The following PTPRD variants were observed in gnomAD, a reference collection of about 807,000 sequenced individuals.
The protein encoded by PTPRD is protein tyrosine phosphatase receptor type D, also known as receptor-type tyrosine-protein phosphatase delta.
Under a neutral mutation model 214.5 loss-of-function variants are expected in PTPRD, and 34 were observed. The observed-to-expected ratio is 0.16, with a 90% CI of 0.12 to 0.21. The LOEUF (loss-of-function observed/expected upper bound fraction) is 0.21, where lower values mean the gene tolerates loss of function less well. Among genes scored for constraint, PTPRD ranks in the 10% least tolerant of loss-of-function variants. The pLI, the probability that PTPRD is intolerant of heterozygous loss-of-function variation, is 1.00. For synonymous variants in PTPRD, 1,128 were observed against 845.7 expected (o/e 1.33, Z -5.79); for missense variants, 2,545 against 2,398.7 (o/e 1.06, Z -1.27).
At chr9:10,162,173 T>A (rs1220675957) in intron 3 of PTPRD, among the ~76,000 whole-genome samples, 1 of 151,532 alleles carries the variant, frequency 6.6e-6, no homozygotes, top group African/African-American at 2.4e-5. Flanking sequence ...TACCTTAGGA[T>A]CCAGCAATTC....
chr9:8,653,383 G>A (rs1307822181), intron 12 of PTPRD, among the ~76,000 whole-genome samples: 1 of 152,058 alleles, frequency 6.6e-6, no homozygotes, highest in Admixed American at 6.6e-5. Context: ...TACATACAAA[G>A]CATTCGGTAA....
At chr9:9,416,774 A>G (rs1388337759) in intron 8 of PTPRD, among the ~76,000 whole-genome samples, 1 of 152,292 alleles carries the variant, frequency 6.6e-6, no homozygotes, top group Non-Finnish European at 1.5e-5. Context: ...ACTTGGCCCG[A>G]TGACTTTTTC....
At chr9:9,715,069 G>A (rs149698979) in intron 7 of PTPRD, among the ~76,000 whole-genome samples, 1 of 152,130 alleles carries the variant, frequency 6.6e-6, no homozygotes, top group Admixed American at 6.6e-5. Flanking sequence ...GAAGAAATTA[G>A]AAGACCTGGG....
At chr9:9,931,218 A>G (rs2086379331) in intron 5 of PTPRD, among the ~76,000 whole-genome samples, 1 of 152,174 alleles carries the variant, frequency 6.6e-6, no homozygotes, top group Admixed American at 6.6e-5. Context: ...ATTACTGGGG[A>G]GGAGCCAAGA....
chr9:9,962,456 C>G (rs995218708), intron 4 of PTPRD, among the ~76,000 whole-genome samples: 18 of 151,892 alleles, frequency 1.2e-4, no homozygotes, highest in Admixed American at 7.2e-4. Flanking sequence ...CATATTGAAC[C>G]TTATATAAAT....
intron 4 of PTPRD, among the ~76,000 whole-genome samples, chr9:10,033,202 G>A (rs947693756): frequency 9.9e-5 from 15 of 151,674 alleles, no homozygotes; most frequent in African/African-American, 2.4e-4. Context: ...ATGGGGAGGC[G>A]TGTTGCTGAG....
intron 6 of PTPRD, among the ~76,000 whole-genome samples, chr9:9,757,256 G>A (rs1056820972): frequency 1.2e-4 from 18 of 151,870 alleles, no homozygotes; most frequent in Admixed American, 2.0e-4. Context: ...TTTACTCTTC[G>A]GTTAAGTTTC....
chr9:8,982,982 A>C (rs185616512), intron 11 of PTPRD, among the ~76,000 whole-genome samples: 147 of 152,046 alleles, frequency 9.7e-4, no homozygotes, highest in Non-Finnish European at 2.0e-3. Context: ...GTGGATCATC[A>C]ATTAACCTCA....
chr9:8,917,824 T>C (rs2098797475), intron 11 of PTPRD, among the ~76,000 whole-genome samples: 1 of 152,208 alleles, frequency 6.6e-6, no homozygotes, highest in Non-Finnish European at 1.5e-5. Flanking sequence ...TCAAGGTTTA[T>C]TGCTAGAGAC....
intron 14 of PTPRD, among the ~76,000 whole-genome samples, chr9:8,560,689 C>T (rs2085875815): frequency 6.6e-6 from 1 of 152,064 alleles, no homozygotes; most frequent in South Asian, 2.1e-4. Flanking sequence ...ACAAACAGGA[C>T]CCTTTAAAGA....
At chr9:8,929,767 G>GTGTGTATATATATGTGTATATATA (rs2098933812) in intron 11 of PTPRD, among the ~76,000 whole-genome samples, 2 of 99,538 alleles carry the variant, frequency 2.0e-5, no homozygotes, top group African/African-American at 7.8e-5. Flanking sequence ...GTATATATAT[G>GTGTGTATATATATGTGTATATATA]TGTATATATA....
intron 2 of PTPRD, among the ~76,000 whole-genome samples, chr9:10,589,962 T>C (rs977886753): frequency 9.9e-5 from 15 of 152,060 alleles, no homozygotes; most frequent in African/African-American, 3.6e-4. Flanking sequence ...ACTCCATTTG[T>C]AGCCACCTAT....
intron 4 of PTPRD, among the ~76,000 whole-genome samples, chr9:9,949,909 A>G (rs1284173190): frequency 6.6e-6 from 1 of 152,202 alleles, no homozygotes; most frequent in Non-Finnish European, 1.5e-5. Flanking sequence ...AGCCAGTATT[A>G]TCAAAAAATT....
At chr9:10,064,715 C>A (rs2097845127) in intron 3 of PTPRD, among the ~76,000 whole-genome samples, 2 of 151,918 alleles carry the variant, frequency 1.3e-5, no homozygotes, top group African/African-American at 4.8e-5. Flanking sequence ...TCACCCCCAA[C>A]CTGAGGGACA....
chr9:8,847,059 G>T (rs2154539794), intron 11 of PTPRD, among the ~76,000 whole-genome samples: 1 of 152,160 alleles, frequency 6.6e-6, no homozygotes, highest in African/African-American at 2.4e-5. Context: ...TGAATAATTT[G>T]GTGGAAAGGA....
At chr9:10,349,159 A>G (rs1013238579) in intron 2 of PTPRD, among the ~76,000 whole-genome samples, 3 of 149,556 alleles carry the variant, frequency 2.0e-5, no homozygotes, top group African/African-American at 7.4e-5. Flanking sequence ...ATCTCACATG[A>G]TAACTGTGTA....
chr9:8,672,676 A>G (rs1026746368), intron 12 of PTPRD, among the ~76,000 whole-genome samples: 1 of 152,152 alleles, frequency 6.6e-6, no homozygotes, highest in African/African-American at 2.4e-5. Flanking sequence ...CACTTCACAA[A>G]TAGATGATGT....
intron 5 of PTPRD, among the ~76,000 whole-genome samples, chr9:9,820,060 C>A (rs1479409414): frequency 6.6e-6 from 1 of 152,156 alleles, no homozygotes; most frequent in Admixed American, 6.6e-5. Flanking sequence ...TGAGAAGTCT[C>A]CAAATTGCTT....
chr9:10,136,389 G>C (rs1457600792), intron 3 of PTPRD, among the ~76,000 whole-genome samples: 1 of 152,038 alleles, frequency 6.6e-6, no homozygotes, highest in African/African-American at 2.4e-5. Context: ...GTTCCTAATA[G>C]ATATTTACAG....
Sources: allele counts gnomAD v4.1 joint callset (sites outside exome capture counted in the v4.1 genomes callset), GRCh38; gene constraint gnomAD v4.1.1; transcripts MANE v1.5; gene names NCBI Gene and HGNC (gene_info 2026-07-23, HGNC 2026-07-21).